The following KCNJ14 variants were observed in gnomAD, a reference collection of about 807,000 sequenced individuals.
The protein encoded by KCNJ14 is potassium inwardly rectifying channel subfamily J member 14.
A neutral mutation model predicts 24.5 loss-of-function variants in KCNJ14; 18 were observed. That is an observed-to-expected ratio of 0.74 (90% CI 0.51 to 1.09). The LOEUF is 1.09. Among genes scored for constraint, KCNJ14 ranks in the 50% least tolerant of loss-of-function variants. The pLI is 0.00. For missense variants in KCNJ14, 633 were observed against 623.0 expected, an observed-to-expected ratio of 1.02 and a Z score of -0.17; for synonymous variants, 288 against 270.8, an observed-to-expected ratio of 1.06 and a Z score of -0.63.
rs755426284 is a variant in KCNJ14 at position 48,464,731 on chromosome 19, G to GC, written c.1270dup (p.Arg424ProfsTer47). The GC allele has an allele frequency of 4.1e-5, 66 of 1,610,242 alleles. No individual in the cohort carries two copies. The highest frequency in any genetic ancestry group is 5.1e-5 in the Non-Finnish European group (60 of 1,179,992). ...GTGGAAACAGAAGATGGGGCTGCTA[G>GC]CCCCCGAGTTCTCACACCAACCCTG... is the stretch of plus-strand genomic sequence containing the variant. On this transcript the variant is annotated frameshift_variant, in exon 3 of 3. Coordinates refer to ENST00000342291, the MANE Select transcript of KCNJ14 (RefSeq NM_013348.4). LOFTEE classifies it high-confidence loss of function.
intron 1 of KCNJ14, among the ~76,000 whole-genome samples, chr19:48,457,611 A>G (rs543514991): frequency 2.0e-5 from 3 of 152,304 alleles, no homozygotes; most frequent in African/African-American, 7.2e-5. Flanking sequence ...TTCACATATC[A>G]TATCATACAC....
At chr19:48,458,893 G>A (rs1422993790) in intron 1 of KCNJ14, among the ~76,000 whole-genome samples, 4 of 120,284 alleles carry the variant, frequency 3.3e-5, no homozygotes, top group African/African-American at 6.4e-5. Flanking sequence ...CTGAGATTGC[G>A]CCACTGCACT....
chr19:48,462,102 C>A lies in KCNJ14; in HGVS notation c.378C>A (p.Pro126=). The change falls in exon 2 of 3, where the codon CCC becomes CCA. Residue 126 remains proline, a synonymous_variant. Coordinates refer to ENST00000342291, the MANE Select transcript of KCNJ14 (RefSeq NM_013348.4). The surrounding 1 kb of genome is among the most constrained non-coding windows in gnomAD (Gnocchi z 4.9). ...TGGCCGCCCCGCCACCGCCCGCGCC[C>A]TGCTTCTCACACGTGGCCAGCTTCC... The part of the protein sequence containing the change: ...GDLAAPPPPA[P]CFSHVASFLA... The A allele has an allele frequency of 6.2e-7, 1 of 1,601,806 alleles. No individual in the cohort carries two copies.
At chr19:48,458,935 CAAAAAAAAAAAA>C (rs34990679) in intron 1 of KCNJ14, among the ~76,000 whole-genome samples, 3 of 38,654 alleles carry the variant, frequency 7.8e-5, no homozygotes, top group Non-Finnish European at 4.2e-5. Flanking sequence ...GACTCCGTCT[CAAAAAAAAAAAA>C]AAAAAAAAAA....
In KCNJ14 at chr19:48,461,985, C is replaced by A. The variant is rs772083911; in HGVS notation, c.261C>A (p.Arg87=). Residue 87 remains arginine, a synonymous_variant, in exon 2 of 3, where the codon CGC becomes CGA. Coordinates refer to ENST00000342291, the MANE Select transcript of KCNJ14 (RefSeq NM_013348.4). ...LFTTCVDVRW[R]WMCLLFSCSF... ...CCACATGCGTGGACGTGCGCTGGCGCTGGATGTGCCTGCTCTTCTCCTGCT... is the reference window on the plus strand; with the variant it reads ...CCACATGCGTGGACGTGCGCTGGCGATGGATGTGCCTGCTCTTCTCCTGCT... The A allele has an allele frequency of 5.6e-6, 9 of 1,613,032 alleles. No homozygotes were observed. The highest frequency in any genetic ancestry group is 7.6e-6 in the Non-Finnish European group (9 of 1,179,724).
chr19:48,463,696 C>T (rs1287892719), intron 2 of KCNJ14, among the ~76,000 whole-genome samples: 2 of 152,190 alleles, frequency 1.3e-5, no homozygotes, highest in Non-Finnish European at 2.9e-5. Context: ...TCTCTGGCCA[C>T]ATACTAAAAG....
intron 2 of KCNJ14, among the ~76,000 whole-genome samples, chr19:48,463,092 G>A (rs1287852358): frequency 1.3e-5 from 2 of 152,140 alleles, no homozygotes; most frequent in African/African-American, 4.8e-5. Context: ...AAACGAAACT[G>A]CACCTCCCAT....
In KCNJ14 at chr19:48,462,359, G is replaced by A. The variant is rs1179289396; in HGVS notation, c.635G>A (p.Arg212His). 3.2e-6 allele frequency: 5 copies of A among 1,539,476 alleles called. No homozygotes were observed. The highest frequency in any genetic ancestry group is 2.4e-5 in the East Asian group (1 of 40,902). The change falls in exon 2 of 3, where the codon CGC becomes CAC. Residue 212 changes from arginine to histidine, a missense_variant. By Grantham distance (29) the Arg-to-His change is conservative (BLOSUM62 0). Transcript: ENST00000342291. The surrounding 1 kb of genome is among the most constrained non-coding windows in gnomAD (Gnocchi z 4.9). ...GCCGTCGTGGCGCTGCGCGACCACCGCCTCTGCCTCATGTGGCGCGTCGGC... is the reference window on the plus strand; with the variant it reads ...GCCGTCGTGGCGCTGCGCGACCACCACCTCTGCCTCATGTGGCGCGTCGGC... Reference protein sequence around the residue: ...ENAVVALRDHRLCLMWRVGNL... With the variant: ...ENAVVALRDHHLCLMWRVGNL...
chr19:48,457,770 C>T (rs975261280), intron 1 of KCNJ14, among the ~76,000 whole-genome samples: 14 of 152,062 alleles, frequency 9.2e-5, no homozygotes, highest in Non-Finnish European at 1.8e-4. Context: ...CTCCACCTCC[C>T]GGGTTCAAGT....
intron 1 of KCNJ14, among the ~76,000 whole-genome samples, chr19:48,458,667 C>T (rs1015001434): frequency 6.6e-6 from 1 of 152,130 alleles, no homozygotes; most frequent in African/African-American, 2.4e-5. Context: ...TCCTCGGCCT[C>T]GCAAAGTGTT....
At chr19:48,461,528 C>CA (rs34391014) in intron 1 of KCNJ14, 142 bp from the exon 2 acceptor site, 7,904 of 163,954 alleles carry the variant, frequency 0.048, 27 homozygotes, top group East Asian at 0.063. Flanking sequence ...ACTCTGTCTC[C>CA]AAAAAAAAAA....
chr19:48,465,578 C>T lies in KCNJ14; in HGVS notation c.*801C>T, dbSNP rs1971646972. On this transcript the variant is annotated 3_prime_UTR_variant, in exon 3 of 3. Coordinates refer to ENST00000342291, the MANE Select transcript of KCNJ14 (RefSeq NM_013348.4). ...AACTTCTGGCTGTAGAGCACCCAGC[C>T]AAGAGAATAAGCAGTGCTTTGAAAG... 1 of 152,356 alleles carries T rather than the reference C, an allele frequency of 6.6e-6. No homozygotes were observed. The highest frequency in any genetic ancestry group is 2.4e-5 in the African/African-American group (1 of 41,362). 9.4% of individuals were successfully genotyped at this position (152,356 alleles called of 1,614,324 possible). A position where few individuals can be genotyped will look rare whatever the true frequency, so the allele number is the denominator to read the frequency against.
At position 48,464,590 on chromosome 19, in the gene KCNJ14, A is replaced by G. The variant is rs1401342718; in HGVS notation, c.1124A>G (p.His375Arg). Residue 375 changes from histidine to arginine, a missense_variant, in exon 3 of 3, where the codon CAC becomes CGC. Physicochemically the swap from His to Arg is conservative, Grantham distance 29 (BLOSUM62 0). Coordinates refer to ENST00000342291, the MANE Select transcript of KCNJ14 (RefSeq NM_013348.4). ...GATGAACGGGCAGAGCAGGCTTCCC[A>G]CAGCCTCAAGTCTAGTTTCCCCGGC... is the stretch of plus-strand genomic sequence containing the variant. The part of the protein sequence containing the change: ...ELDERAEQAS[H>R]SLKSSFPGSL... 16 of 1,614,016 alleles carry G rather than the reference A, an allele frequency of 9.9e-6. No individual in the cohort carries two copies. The highest frequency in any genetic ancestry group is 2.2e-5 in the East Asian group (1 of 44,886).
rs1799271 is a variant in KCNJ14, at chr19:48,461,730, C to G, written c.6C>G (p.Gly2=). 1 of 1,416,884 alleles carries G rather than the reference C, an allele frequency of 7.1e-7. No homozygotes were observed. The highest frequency in any genetic ancestry group is 9.2e-7 in the Non-Finnish European group (1 of 1,091,132). 87.8% of individuals were successfully genotyped at this position (1,416,884 alleles called of 1,614,324 possible). Residue 2 remains glycine (G), a synonymous_variant, in exon 2 of 3, where the codon GGC becomes GGG. Transcript: ENST00000342291. M[G]LARALRRLSG... ...GGAGGGGGTCCCTCCGTCCAATGGG[C>G]CTGGCCAGGGCCCTACGCCGCCTCA...
intron 1 of KCNJ14, among the ~76,000 whole-genome samples, chr19:48,457,463 C>G (rs1274021103): frequency 6.6e-6 from 1 of 152,182 alleles, no homozygotes; most frequent in Non-Finnish European, 1.5e-5. Context: ...TAAGAAGGCC[C>G]TTCCTGGTCT....
In KCNJ14 at chr19:48,462,161, C is replaced by G. The variant is rs1352419668; in HGVS notation, c.437C>G (p.Thr146Arg). 2.5e-6 allele frequency: 4 copies of G among 1,581,690 alleles called. No individual in the cohort carries two copies. In the South Asian group the frequency reaches 4.6e-5, roughly 18 times the overall value. Residue 146 changes from threonine to arginine, a missense_variant, in exon 2 of 3, where the codon ACG becomes AGG. By Grantham distance (71) the Thr-to-Arg change is moderately conservative (BLOSUM62 -1). Coordinates refer to ENST00000342291, the MANE Select transcript of KCNJ14 (RefSeq NM_013348.4). This position sits in a 1 kb window ranked among gnomAD's most constrained non-coding sequence, Gnocchi z 4.9. ...AAFLFALETQ[T>R]SIGYGVRSVT... ...TTCCTCTTCGCGCTGGAGACGCAGACGTCCATCGGCTACGGCGTGCGCAGC... is the reference window on the plus strand; with the variant it reads ...TTCCTCTTCGCGCTGGAGACGCAGAGGTCCATCGGCTACGGCGTGCGCAGC...
rs1387557620 is a variant in KCNJ14 at position 48,465,887 on chromosome 19, G to A, written c.*1110G>A. ...TCATCACCTCCAGGTGGACTGCTTG[G>A]CAGTGCTAGGAGGTGGACTCAGGAC... On this transcript the variant is annotated 3_prime_UTR_variant, in exon 3 of 3. Coordinates refer to ENST00000342291, the MANE Select transcript of KCNJ14 (RefSeq NM_013348.4). The A allele has an allele frequency of 1.3e-5, 2 of 152,588 alleles. No homozygotes were observed. The highest frequency in any genetic ancestry group is 6.6e-5 in the Admixed American group (1 of 15,264). 9.5% of individuals were successfully genotyped at this position (152,588 alleles called of 1,614,324 possible). A position where few individuals can be genotyped will look rare whatever the true frequency, so the allele number is the denominator to read the frequency against.
intron 1 of KCNJ14, chr19:48,456,211 C>G (rs1327138975): frequency 6.6e-6 from 1 of 152,386 alleles, no homozygotes; most frequent in Non-Finnish European, 1.5e-5. Context: ...CCTGCCCCCC[C>G]AGCCCACGGG....
At chr19:48,458,748 C>G (rs1971561602) in intron 1 of KCNJ14, among the ~76,000 whole-genome samples, 1 of 151,888 alleles carries the variant, frequency 6.6e-6, no homozygotes, top group Non-Finnish European at 1.5e-5. Flanking sequence ...TTGGCACTAG[C>G]CCACATCGTG....
Sources: gnomAD v4.1 joint callset for allele counts (sites outside exome capture counted in the v4.1 genomes callset) on GRCh38, gnomAD v4.1.1 for gene constraint, Gnocchi (gnomAD v3.1) non-coding constraint, MANE v1.5 for transcripts, NCBI Gene and HGNC (gene_info 2026-07-23, HGNC 2026-07-21) for gene names.